HDHD5: variants seen among roughly 807,000 people sequenced by gnomAD.
HDHD5 encodes haloacid dehalogenase-like hydrolase domain-containing 5.
A neutral mutation model predicts 35.5 loss-of-function variants in HDHD5; 34 were observed. That is an observed-to-expected ratio of 0.96 (90% confidence interval 0.73 to 1.28). The LOEUF is 1.28. Among genes scored for constraint, HDHD5 ranks in the 50% most tolerant of loss-of-function variants. HDHD5 has a pLI of 0.00. For missense variants in HDHD5, 589 were observed against 560.2 expected, an observed-to-expected ratio of 1.05 and a Z score of -0.52; for synonymous variants, 248 against 240.6, an observed-to-expected ratio of 1.03 and a Z score of -0.29.
rs2061839054 is a variant in HDHD5, at chr22:17,159,165, G to C, written c.87C>G (p.Gly29=). Residue 29 remains glycine (G), a synonymous_variant, in exon 1 of 8, where the codon GGC becomes GGG. Coordinates refer to ENST00000336737, the MANE Select transcript of HDHD5 (RefSeq NM_033070.3). ...RAARAAAGLQ[G]RPARRCYAVG... ...CAGCATAGCACCTGCGGGCGGGGCG[G>C]CCCTGGAGCCCCGCAGCCGCGCGCG... 4.1e-6 allele frequency: 5 copies of C among 1,220,584 alleles called. 1 individual carries two copies. Among genetic ancestry groups the C allele is most frequent in the South Asian group, 4.1e-5 (1 of 24,370 alleles). The allele number at this position is 1,220,584 out of a possible 1,614,324, so 75.6% of individuals were successfully genotyped here.
At position 17,141,541 on chromosome 22, in the gene HDHD5, T is replaced by C. The variant is rs111523034; in HGVS notation, c.572-308A>G. The C allele has an allele frequency of 2.1e-4, 248 of 1,186,030 alleles. No homozygotes were observed. The African/African-American group carries it at 3.6e-3, about 17-fold the overall frequency. The allele number at this position is 1,186,030 out of a possible 1,614,324, so 73.5% of individuals were successfully genotyped here. A position where few individuals can be genotyped will look rare whatever the true frequency, so the allele number is the denominator to read the frequency against. On this transcript the variant is annotated intron_variant, in intron 5 of 7. Coordinates refer to ENST00000336737, the MANE Select transcript of HDHD5 (RefSeq NM_033070.3). ...GCTACTTCTCCTTGCTGGCTGGGAC[T>C]CTGCCACCACATTCTCCCTCACATG...
upstream of HDHD5, among the ~76,000 whole-genome samples, chr22:17,161,959 A>G (rs1010000518): frequency 6.6e-6 from 1 of 152,110 alleles, no homozygotes; most frequent in Admixed American, 6.5e-5. Flanking sequence ...CTGACTTTTT[A>G]ATAAATAACA....
intron 1 of HDHD5, chr22:17,158,907 T>C (rs1601406298): frequency 5.8e-6 from 2 of 342,972 alleles, no homozygotes; most frequent in East Asian, 5.0e-5. Flanking sequence ...ACGAGCGCTC[T>C]CCCGCGGGAG....
intron 1 of HDHD5, among the ~76,000 whole-genome samples, chr22:17,155,598 CAA>C (rs2061780569): frequency 6.6e-6 from 1 of 152,102 alleles, no homozygotes; most frequent in Non-Finnish European, 1.5e-5. Flanking sequence ...CTTAGAACAG[CAA>C]AGTTTTCAGG....
Position 17,137,925 on chromosome 22 carries a change from C to T in HDHD5, c.*96G>A. 1 of 1,049,246 alleles carries T rather than the reference C, an allele frequency of 9.5e-7. No homozygotes were observed. The highest frequency in any genetic ancestry group is 1.4e-6 in the Non-Finnish European group (1 of 727,000). 65.0% of individuals were successfully genotyped at this position (1,049,246 alleles called of 1,614,324 possible). A position where few individuals can be genotyped will look rare whatever the true frequency, so the allele number is the denominator to read the frequency against. On this transcript the variant is annotated 3_prime_UTR_variant, in exon 8 of 8. Coordinates refer to ENST00000336737, the MANE Select transcript of HDHD5 (RefSeq NM_033070.3). ...GCAGCAAGAAGGGTGGCAAGGGAACCAAGCCCTGACCTGAGCCCAGTGATC... is the reference window on the plus strand; with the variant it reads ...GCAGCAAGAAGGGTGGCAAGGGAACTAAGCCCTGACCTGAGCCCAGTGATC...
At chr22:17,155,244 TTTTG>T (rs2061775793) in intron 1 of HDHD5, among the ~76,000 whole-genome samples, 1 of 151,830 alleles carries the variant, frequency 6.6e-6, no homozygotes, top group Admixed American at 6.6e-5. Context: ...TTTTTTTTTT[TTTTG>T]TTTGGTTGGT....
chr22:17,164,066 C>T (rs1383874201), upstream of HDHD5, among the ~76,000 whole-genome samples: 1 of 152,078 alleles, frequency 6.6e-6, no homozygotes, highest in South Asian at 2.1e-4. Context: ...ACTAAAAATC[C>T]GAAAATTAGC....
intron 1 of HDHD5, among the ~76,000 whole-genome samples, chr22:17,157,076 TCACACACATACACACA>T (rs1270443465): frequency 1.8e-5 from 1 of 56,168 alleles, no homozygotes; most frequent in South Asian, 6.0e-4. Context: ...AGACACCGTC[TCACACACATACACACA>T]CACACACACA....
At chr22:17,156,054 A>G (rs1429880548) in intron 1 of HDHD5, among the ~76,000 whole-genome samples, 1 of 152,332 alleles carries the variant, frequency 6.6e-6, no homozygotes, top group Admixed American at 6.5e-5. Context: ...ATGACAAAAA[A>G]AAAGAAACCA....
At chr22:17,138,523 G>A (rs367788560) in intron 7 of HDHD5, 27 bp downstream of exon 7, 1 of 1,607,866 alleles carries the variant, frequency 6.2e-7, no homozygotes, top group Non-Finnish European at 8.5e-7. Flanking sequence ...GTCATAAAAG[G>A]GACAAAGGAG....
At position 17,155,376 on chromosome 22, in the gene HDHD5, G is replaced by A. The variant is rs577898522; in HGVS notation, c.126+3750C>T. Among the ~76,000 whole-genome samples, 4 of 151,906 alleles carry A rather than the reference G, an allele frequency of 2.6e-5. No homozygotes were observed. In the East Asian group the frequency reaches 7.7e-4, roughly 29 times the overall value. On this transcript the variant is annotated intron_variant, in intron 1 of 7. Coordinates refer to ENST00000336737, the MANE Select transcript of HDHD5 (RefSeq NM_033070.3). ...TTCTCCTGCCTCAGCCTCCCAAGTA[G>A]CTGGGACTACAGACGCGCGCCAACA...
intron 1 of HDHD5, among the ~76,000 whole-genome samples, chr22:17,151,912 A>T (rs1489589475): frequency 2.6e-5 from 4 of 152,226 alleles, no homozygotes; most frequent in African/African-American, 9.7e-5. Context: ...ATAAATAAAC[A>T]GAATTAAACA....
chr22:17,142,990 G>GC (rs34058953), intron 5 of HDHD5, 108 bp downstream of exon 5: 1,021,077 of 1,183,092 alleles, frequency 0.86, 442,333 homozygotes, highest in African/African-American at 0.96. Context: ...TGACTCCAAG[G>GC]CCCCTTGCTG....
upstream of HDHD5, among the ~76,000 whole-genome samples, chr22:17,163,885 C>T (rs1334085278): frequency 2.0e-5 from 3 of 152,166 alleles, no homozygotes; most frequent in Non-Finnish European, 4.4e-5. Context: ...CCCTCACAGT[C>T]CTGTCATGCA....
chr22:17,151,235 G>A (rs147056311), intron 1 of HDHD5, among the ~76,000 whole-genome samples: 50 of 152,244 alleles, frequency 3.3e-4, no homozygotes, highest in African/African-American at 1.2e-3. Context: ...GATTTATAAA[G>A]CTGAATGCTG....
upstream of HDHD5, chr22:17,159,303 G>A: frequency 1.8e-6 from 2 of 1,097,580 alleles, no homozygotes; most frequent in Non-Finnish European, 2.2e-6. Context: ...CCCCCCGCGA[G>A]TCCGTCCGCT....
intron 1 of HDHD5, among the ~76,000 whole-genome samples, chr22:17,153,818 A>G (rs1191982313): frequency 6.6e-6 from 1 of 152,116 alleles, no homozygotes; most frequent in Non-Finnish European, 1.5e-5. Context: ...AGGGAGAAAT[A>G]GATACTTCCC....
At chr22:17,147,400 CACGCCCCACACCT>C (rs2061674726) in intron 3 of HDHD5, among the ~76,000 whole-genome samples, 1 of 131,256 alleles carries the variant, frequency 7.6e-6, no homozygotes, top group Non-Finnish European at 1.6e-5. Flanking sequence ...TGCCATCGCA[CACGCCCCACACCT>C]GCGACGCCCT....
Position 17,138,201 on chromosome 22 carries a change from G to A in HDHD5, c.1092C>T (p.Gly364=), listed in dbSNP as rs762183838. The A allele has an allele frequency of 9.3e-6, 15 of 1,614,056 alleles. No homozygotes were observed. Among genetic ancestry groups the A allele is most frequent in the East Asian group, 8.9e-5 (4 of 44,892 alleles). The change falls in exon 8 of 8, where the codon GGC becomes GGT. Residue 364 remains glycine (G), a synonymous_variant. Coordinates refer to ENST00000336737, the MANE Select transcript of HDHD5 (RefSeq NM_033070.3). ...QSCISILVCT[G]VYNPRNPQST... ...ACTGTGGGTTCCTGGGATTGTAGAC[G>A]CCTGTACACACCAGGATGGAGATGC...
Sources: gnomAD v4.1 joint callset for allele counts (sites outside exome capture counted in the v4.1 genomes callset) on GRCh38, gnomAD v4.1.1 for gene constraint, MANE v1.5 for transcripts, NCBI Gene and HGNC (gene_info 2026-07-23, HGNC 2026-07-21) for gene names.